The following CADPS2 variants were observed in gnomAD, a reference collection of about 807,000 sequenced individuals.
The protein encoded by CADPS2 is calcium dependent secretion activator 2.
A neutral mutation model predicts 172.5 loss-of-function variants in CADPS2; 93 were observed. That is an observed-to-expected ratio of 0.54 (90% CI 0.46 to 0.64). CADPS2 has a LOEUF of 0.64. CADPS2 is among the 30% of genes least tolerant of loss of function. CADPS2 has a pLI of 0.00. For synonymous variants in CADPS2, 546 were observed against 555.2 expected, an observed-to-expected ratio of 0.98 and a Z score of 0.23; for missense variants, 1,420 against 1,565.9, an observed-to-expected ratio of 0.91 and a Z score of 1.57.
chr7:122,542,582 T>C (rs757687376), intron 8 of CADPS2, among the ~76,000 whole-genome samples: 3 of 152,182 alleles, frequency 2.0e-5, no homozygotes, highest in South Asian at 2.1e-4. Context: ...CAAATAGATA[T>C]TGTGGAGGAT....
chr7:122,574,250 ACT>A (rs2067663032), intron 7 of CADPS2, among the ~76,000 whole-genome samples: 1 of 151,558 alleles, frequency 6.6e-6, no homozygotes, highest in Non-Finnish European at 1.5e-5. Flanking sequence ...GTTTGAGACC[ACT>A]CTTGGCAACA....
At chr7:122,590,325 T>C (rs2070581350) in intron 6 of CADPS2, among the ~76,000 whole-genome samples, 1 of 151,922 alleles carries the variant, frequency 6.6e-6, no homozygotes, top group Admixed American at 6.6e-5. Flanking sequence ...CCCTCACACA[T>C]ATGGTCAAAT....
At chr7:122,689,553 C>T (rs1001048946) in intron 2 of CADPS2, among the ~76,000 whole-genome samples, 7 of 152,128 alleles carry the variant, frequency 4.6e-5, no homozygotes, top group East Asian at 1.9e-4. Context: ...AAACTGGAAA[C>T]GCAGCACCCT....
intron 8 of CADPS2, among the ~76,000 whole-genome samples, chr7:122,550,280 G>A (rs1433399536): frequency 1.3e-5 from 2 of 152,132 alleles, no homozygotes; most frequent in East Asian, 3.8e-4. Flanking sequence ...CTGTGACAAT[G>A]TCAAAATATT....
chr7:122,529,465 A>G (rs1188549231), intron 8 of CADPS2, among the ~76,000 whole-genome samples: 1 of 152,064 alleles, frequency 6.6e-6, no homozygotes, highest in Non-Finnish European at 1.5e-5. Context: ...ACTAGGGATA[A>G]AGACTAGAAA....
chr7:122,820,606 C>T (rs1281164488), intron 1 of CADPS2, among the ~76,000 whole-genome samples: 1 of 116,714 alleles, frequency 8.6e-6, no homozygotes, highest in Non-Finnish European at 1.7e-5. Context: ...GTCGCCCAGG[C>T]TGGAGTGCAG....
chr7:122,399,909 C>A (rs1192357521), intron 20 of CADPS2, among the ~76,000 whole-genome samples: 2 of 149,106 alleles, frequency 1.3e-5, no homozygotes, highest in African/African-American at 4.9e-5. Context: ...CTCCTGACCT[C>A]GTGATCCGTC....
intron 25 of CADPS2, among the ~76,000 whole-genome samples, chr7:122,365,610 T>C (rs187666539): frequency 1.1e-3 from 165 of 152,320 alleles, no homozygotes; most frequent in African/African-American, 3.3e-3. Context: ...TAAACACTTA[T>C]GGGTTTGCCT....
rs71531909 is a variant in CADPS2 at position 122,649,898 on chromosome 7, A to ATTTTTTTTTTTTTTTTTTTTTTTTTTTT, written c.786+13311_786+13338dup. On this transcript the variant is annotated intron_variant, in intron 3 of 29. Coordinates refer to ENST00000449022, the MANE Select transcript of CADPS2 (RefSeq NM_017954.11). ...TGACATTTTTCTTAAGTATTCAATG[A>ATTTTTTTTTTTTTTTTTTTTTTTTTTTT]TTTTTTTTTTTTTTTTTTTTTTTTT... Among the ~76,000 whole-genome samples, 7 of 52,020 alleles carry ATTTTTTTTTTTTTTTTTTTTTTTTTTTT rather than the reference A, an allele frequency of 1.3e-4. 2 individuals carry two copies. Among genetic ancestry groups the ATTTTTTTTTTTTTTTTTTTTTTTTTTTT allele is most frequent in the African/African-American group, 3.2e-4 (4 of 12,546 alleles). The allele number at this position is 52,020 out of a possible 152,430, so 34.1% of individuals were successfully genotyped here. A position where few individuals can be genotyped will look rare whatever the true frequency, so the allele number is the denominator to read the frequency against.
chr7:122,533,861 A>T (rs1399761410), intron 8 of CADPS2, among the ~76,000 whole-genome samples: 3 of 152,188 alleles, frequency 2.0e-5, no homozygotes, highest in Non-Finnish European at 4.4e-5. Flanking sequence ...CATAAAAGAC[A>T]GATCCAGTGC....
At chr7:122,851,357 A>C (rs1813553557) in intron 1 of CADPS2, among the ~76,000 whole-genome samples, 1 of 152,176 alleles carries the variant, frequency 6.6e-6, no homozygotes, top group East Asian at 1.9e-4. Context: ...TCTGTGCCCA[A>C]TCACTGGCTC....
chr7:122,423,548 A>G (rs1272190489), intron 17 of CADPS2, among the ~76,000 whole-genome samples: 1 of 152,188 alleles, frequency 6.6e-6, no homozygotes, highest in Non-Finnish European at 1.5e-5. Flanking sequence ...TGACATCGCT[A>G]AGATGTGGCA....
chr7:122,374,940 C>G (rs1004295618), intron 25 of CADPS2, among the ~76,000 whole-genome samples: 1 of 152,148 alleles, frequency 6.6e-6, no homozygotes, highest in African/African-American at 2.4e-5. Flanking sequence ...AGAAAACAAT[C>G]TCATCTACAA....
chr7:122,398,180 C>A (rs1246267960), intron 20 of CADPS2, among the ~76,000 whole-genome samples: 1 of 152,106 alleles, frequency 6.6e-6, no homozygotes, highest in Non-Finnish European at 1.5e-5. Context: ...TACAAAAGTA[C>A]TTGTCATAGG....
intron 1 of CADPS2, among the ~76,000 whole-genome samples, chr7:122,869,028 G>A (rs533121324): frequency 5.3e-5 from 8 of 151,946 alleles, no homozygotes; most frequent in Non-Finnish European, 1.0e-4. Context: ...AAAAAAGAAT[G>A]AAAAAGACTG....
intron 7 of CADPS2, among the ~76,000 whole-genome samples, chr7:122,570,017 C>A (rs374888620): frequency 4.7e-4 from 70 of 149,972 alleles, no homozygotes; most frequent in Admixed American, 1.9e-3. Context: ...GCAACAAAAG[C>A]CAAAATTGAC....
chr7:122,536,860 G>A (rs2062341257), intron 8 of CADPS2, among the ~76,000 whole-genome samples: 1 of 151,972 alleles, frequency 6.6e-6, no homozygotes. Flanking sequence ...GGTCACCACT[G>A]GTCAAAATAA....
intron 6 of CADPS2, among the ~76,000 whole-genome samples, chr7:122,601,434 G>A (rs1263379888): frequency 2.0e-5 from 3 of 151,988 alleles, no homozygotes; most frequent in Admixed American, 1.3e-4. Context: ...AAGGAAGTCT[G>A]AGCCAGGAAC....
At chr7:122,658,562 A>C (rs1235220691) in intron 3 of CADPS2, among the ~76,000 whole-genome samples, 1 of 152,252 alleles carries the variant, frequency 6.6e-6, no homozygotes, top group Non-Finnish European at 1.5e-5. Flanking sequence ...GCCGTAAAAA[A>C]GGATGAGTTA....
Sources: allele counts gnomAD v4.1 joint callset (sites outside exome capture counted in the v4.1 genomes callset), GRCh38; gene constraint gnomAD v4.1.1; transcripts MANE v1.5; gene names NCBI Gene and HGNC (gene_info 2026-07-23, HGNC 2026-07-21).